Variants in CEP70 observed in about 807,000 individuals in gnomAD.
CEP70 encodes centrosomal protein of 70 kDa.
CEP70 carries 70 observed loss-of-function variants against 90.9 expected under a neutral mutation model. That is an observed-to-expected ratio of 0.77 (90% CI 0.64 to 0.94). The LOEUF is 0.94. CEP70 is among the 40% of genes least tolerant of loss of function. The pLI is 0.00. For synonymous variants in CEP70, 220 were observed against 228.3 expected, an observed-to-expected ratio of 0.96 and a Z score of 0.33; for missense variants, 648 against 669.0, an observed-to-expected ratio of 0.97 and a Z score of 0.35.
chr3:138,582,489 A>C (rs1179472070), intron 2 of CEP70, among the ~76,000 whole-genome samples: 10 of 148,592 alleles, frequency 6.7e-5, no homozygotes, highest in African/African-American at 2.5e-4. Flanking sequence ...TAAAAAATAA[A>C]AAATAATGAG....
Position 138,524,953 on chromosome 3 carries a change from G to A in CEP70, c.944+537C>T, listed in dbSNP as rs1020378277. Among the ~76,000 whole-genome samples, 727 of 152,132 alleles carry A rather than the reference G, an allele frequency of 4.8e-3. 4 individuals carry two copies. The highest frequency in any genetic ancestry group is 0.017 in the African/African-American group (696 of 41,514). ...GATAATAAATCATGCTGCTATAAAG[G>A]CACATGCACACGTATGTTTATTGTG... is the stretch of plus-strand genomic sequence containing the variant. On this transcript the variant is annotated intron_variant, in intron 11 of 17. Transcript: ENST00000264982.
chr3:138,580,084 G>A (rs548807844), intron 2 of CEP70, among the ~76,000 whole-genome samples: 5 of 152,210 alleles, frequency 3.3e-5, no homozygotes, highest in African/African-American at 9.6e-5. Context: ...TACTCCCCAT[G>A]GGTCTGTGGT....
intron 2 of CEP70, among the ~76,000 whole-genome samples, chr3:138,580,405 A>C: frequency 6.6e-6 from 1 of 152,300 alleles, no homozygotes; most frequent in Non-Finnish European, 1.5e-5. Context: ...GATCTTGTCC[A>C]AGACCAGCAA....
intron 11 of CEP70, 135 bp downstream of exon 11, chr3:138,525,355 G>T (rs889292292): frequency 7.6e-6 from 2 of 262,072 alleles, no homozygotes; most frequent in Non-Finnish European, 1.4e-5. Context: ...CATGGCACAT[G>T]TATACATATG....
intron 8 of CEP70, among the ~76,000 whole-genome samples, chr3:138,531,105 G>A (rs2037773940): frequency 1.3e-5 from 2 of 152,048 alleles, no homozygotes; most frequent in African/African-American, 4.8e-5. Flanking sequence ...CTTTACTTCA[G>A]CTAGACAATT....
intron 8 of CEP70, chr3:138,530,979 A>C: frequency 4.0e-6 from 1 of 248,072 alleles, no homozygotes; most frequent in Non-Finnish European, 6.4e-6. Context: ...AAATTTTCTC[A>C]TTTGTAGAAT....
intron 2 of CEP70, among the ~76,000 whole-genome samples, chr3:138,581,610 C>T (rs1037333569): frequency 1.5e-5 from 2 of 133,360 alleles, no homozygotes; most frequent in African/African-American, 5.7e-5. Flanking sequence ...GACTGAGGCA[C>T]AAGAATCGCC....
chr3:138,572,797 T>A (rs1277031555), intron 3 of CEP70, 62 bp downstream of exon 3: 2 of 1,059,790 alleles, frequency 1.9e-6, no homozygotes, highest in South Asian at 2.6e-5. Context: ...TTCCTGTTTG[T>A]AGATGTAGCA....
chr3:138,517,701 G>T (rs559091282), intron 11 of CEP70, among the ~76,000 whole-genome samples: 119 of 152,198 alleles, frequency 7.8e-4, no homozygotes, highest in Non-Finnish European at 1.5e-3. Flanking sequence ...ATAAATAGGG[G>T]TGGAGCCAAG....
At chr3:138,511,951 G>C (rs2035577219) in intron 11 of CEP70, among the ~76,000 whole-genome samples, 1 of 152,186 alleles carries the variant, frequency 6.6e-6, no homozygotes, top group Non-Finnish European at 1.5e-5. Flanking sequence ...GGAGAAAATA[G>C]TATTAGAAAC....
At chr3:138,588,462 A>G (rs1399819952) in intron 2 of CEP70, among the ~76,000 whole-genome samples, 1 of 152,246 alleles carries the variant, frequency 6.6e-6, no homozygotes, top group East Asian at 1.9e-4. Context: ...AAAAGAAGAC[A>G]TACAGATGGC....
At chr3:138,530,995 T>G (rs1472416952) in intron 8 of CEP70, 1 of 201,058 alleles carries the variant, frequency 5.0e-6, no homozygotes, top group African/African-American at 2.4e-5. Context: ...AGAATATTAT[T>G]TATTAATGTA....
intron 11 of CEP70, among the ~76,000 whole-genome samples, chr3:138,515,549 G>A (rs1276324078): frequency 1.3e-5 from 2 of 151,500 alleles, no homozygotes; most frequent in African/African-American, 4.9e-5. Context: ...CAAACAACAG[G>A]GCAGATCATC....
chr3:138,505,014 T>C (rs970221337), intron 13 of CEP70, among the ~76,000 whole-genome samples: 1 of 152,132 alleles, frequency 6.6e-6, no homozygotes, highest in African/African-American at 2.4e-5. Context: ...GGATCCACTA[T>C]AGATTTTCAA....
intron 6 of CEP70, among the ~76,000 whole-genome samples, chr3:138,551,974 GA>G (rs1320506076): frequency 6.6e-6 from 1 of 152,030 alleles, no homozygotes; most frequent in Admixed American, 6.6e-5. Context: ...GTAAAGGGGT[GA>G]AAAAAGACAT....
intron 11 of CEP70, among the ~76,000 whole-genome samples, chr3:138,518,649 C>G (rs1014175471): frequency 6.6e-6 from 1 of 152,198 alleles, no homozygotes; most frequent in African/African-American, 2.4e-5. Context: ...AACTAACAAA[C>G]AGGAAGGACA....
At chr3:138,526,041 CTACA>C (rs747061317) in intron 10 of CEP70, among the ~76,000 whole-genome samples, 6 of 152,096 alleles carry the variant, frequency 3.9e-5, no homozygotes, top group Non-Finnish European at 8.8e-5. Context: ...TAAATTTTTA[CTACA>C]TATTTATATA....
intron 11 of CEP70, among the ~76,000 whole-genome samples, chr3:138,522,094 A>AAGAG (rs773760271): frequency 1.3e-4 from 20 of 152,162 alleles, no homozygotes; most frequent in Non-Finnish European, 2.4e-4. Flanking sequence ...CATGCTCCTT[A>AAGAG]AGAGTCATCA....
intron 2 of CEP70, among the ~76,000 whole-genome samples, chr3:138,575,279 C>A (rs2041434981): frequency 6.6e-6 from 1 of 152,190 alleles, no homozygotes; most frequent in South Asian, 2.1e-4. Flanking sequence ...GAGCTGAAAA[C>A]CATGGCACGA....
Sources: gnomAD v4.1 joint callset for allele counts (sites outside exome capture counted in the v4.1 genomes callset) on GRCh38, gnomAD v4.1.1 for gene constraint, MANE v1.5 for transcripts, NCBI Gene and HGNC (gene_info 2026-07-23, HGNC 2026-07-21) for gene names.